Variants in DRC11 observed in about 807,000 individuals in gnomAD.
DRC11 encodes the protein IQ and AAA domain-containing protein 1.
the DRC11 span, among the ~76,000 whole-genome samples, chr2:236,351,339 G>A: frequency 6.6e-6 from 1 of 152,098 alleles, no homozygotes; most frequent in African/African-American, 2.4e-5. This position sits in a 1 kb window ranked among gnomAD's most constrained non-coding sequence, Gnocchi z 7.3. Flanking sequence ...AACCAGGAAC[G>A]GAGACCGCAG....
At chr2:236,474,257 G>A in the DRC11 span, among the ~76,000 whole-genome samples, 3 of 151,902 alleles carry the variant, frequency 2.0e-5, no homozygotes, top group Non-Finnish European at 4.4e-5. Flanking sequence ...ATACAAAACA[G>A]ACGTTATTCT....
At chr2:236,423,566 G>A in the DRC11 span, among the ~76,000 whole-genome samples, 2 of 152,184 alleles carry the variant, frequency 1.3e-5, no homozygotes, top group South Asian at 4.1e-4. Flanking sequence ...TGCTGGAGAG[G>A]ATGTGGAGAA....
the DRC11 span, among the ~76,000 whole-genome samples, chr2:236,345,427 CCA>C: frequency 6.6e-6 from 1 of 152,136 alleles, no homozygotes; most frequent in Non-Finnish European, 1.5e-5. Context: ...TGAAAGAAAC[CCA>C]CAGTTTTCTG....
the DRC11 span, chr2:236,344,591 G>T: frequency 4.3e-6 from 7 of 1,613,638 alleles, no homozygotes; most frequent in South Asian, 5.5e-5. Flanking sequence ...TTTGTAGAAG[G>T]TTTTTTCTGT....
At chr2:236,495,969 G>C in the DRC11 span, among the ~76,000 whole-genome samples, 1 of 152,182 alleles carries the variant, frequency 6.6e-6, no homozygotes, top group African/African-American at 2.4e-5. The surrounding 1 kb of genome is among the most constrained non-coding windows in gnomAD (Gnocchi z 5.6). Flanking sequence ...CAAGGCCGTG[G>C]AGTAGCCGCC....
At chr2:236,488,494 A>G in the DRC11 span, among the ~76,000 whole-genome samples, 2 of 152,236 alleles carry the variant, frequency 1.3e-5, no homozygotes, top group African/African-American at 4.8e-5. Flanking sequence ...AAAAATGTCA[A>G]TAAAATTGAT....
the DRC11 span, among the ~76,000 whole-genome samples, chr2:236,462,307 C>G: frequency 6.6e-6 from 1 of 152,106 alleles, no homozygotes; most frequent in African/African-American, 2.4e-5. The surrounding 1 kb of genome is among the most constrained non-coding windows in gnomAD (Gnocchi z 6.4). Context: ...TGGCAGAAAC[C>G]ATGGGCTGCA....
the DRC11 span, among the ~76,000 whole-genome samples, chr2:236,491,141 AGTATATATATACACACAG>A: frequency 8.2e-5 from 5 of 60,658 alleles, no homozygotes; most frequent in Non-Finnish European, 1.2e-4. Flanking sequence ...ATATATATAC[AGTATATATATACACACAG>A]TATATATATA....
At chr2:236,466,781 C>T in the DRC11 span, among the ~76,000 whole-genome samples, 1 of 152,220 alleles carries the variant, frequency 6.6e-6, no homozygotes, top group Non-Finnish European at 1.5e-5. Flanking sequence ...ACCTCCAACA[C>T]TGGGAATCAC....
At chr2:236,381,919 CTG>C in the DRC11 span, among the ~76,000 whole-genome samples, 1 of 152,100 alleles carries the variant, frequency 6.6e-6, no homozygotes, top group African/African-American at 2.4e-5. This position sits in a 1 kb window ranked among gnomAD's most constrained non-coding sequence, Gnocchi z 5.8. Flanking sequence ...TCCTCCCAGT[CTG>C]TAGCTTGTCT....
chr2:236,402,546 TG>T, the DRC11 span, among the ~76,000 whole-genome samples: 2 of 151,042 alleles, frequency 1.3e-5, no homozygotes, highest in African/African-American at 4.9e-5. This position sits in a 1 kb window ranked among gnomAD's most constrained non-coding sequence, Gnocchi z 6.0. Flanking sequence ...CTTCATGGGG[TG>T]GGGGGGCATG....
chr2:236,360,966 T>A, the DRC11 span, among the ~76,000 whole-genome samples: 1 of 152,086 alleles, frequency 6.6e-6, no homozygotes. This position sits in a 1 kb window ranked among gnomAD's most constrained non-coding sequence, Gnocchi z 5.8. Flanking sequence ...CAACGTACCA[T>A]CCACAATGTC....
At chr2:236,379,057 TCTGGCCTCCCTGGA>T in the DRC11 span, among the ~76,000 whole-genome samples, 3 of 152,156 alleles carry the variant, frequency 2.0e-5, no homozygotes, top group Non-Finnish European at 4.4e-5. Flanking sequence ...GCGGCAGTGT[TCTGGCCTCCCTGGA>T]GGCCACAGAT....
At chr2:236,488,372 T>C in the DRC11 span, among the ~76,000 whole-genome samples, 1 of 152,222 alleles carries the variant, frequency 6.6e-6, no homozygotes, top group Non-Finnish European at 1.5e-5. Context: ...TTTGATAACA[T>C]GACATGCTCA....
chr2:236,379,322 C>T, the DRC11 span, among the ~76,000 whole-genome samples: 3 of 134,678 alleles, frequency 2.2e-5, no homozygotes, highest in African/African-American at 2.9e-5. Context: ...GCGACAGGAC[C>T]AAGGGGAGGG....
the DRC11 span, among the ~76,000 whole-genome samples, chr2:236,357,782 T>TTA: frequency 1.7e-4 from 21 of 126,092 alleles, no homozygotes; most frequent in Admixed American, 5.1e-4. Flanking sequence ...TAAATATATG[T>TTA]TATATATACA....
chr2:236,491,182 CACACAGTATATATAT>C, the DRC11 span, among the ~76,000 whole-genome samples: 4 of 38,492 alleles, frequency 1.0e-4, no homozygotes, highest in African/African-American at 5.4e-4. Flanking sequence ...TATATATATA[CACACAGTATATATAT>C]ATATATATAT....
chr2:236,488,466 T>A, the DRC11 span, among the ~76,000 whole-genome samples: 1 of 152,220 alleles, frequency 6.6e-6, no homozygotes, highest in Admixed American at 6.5e-5. Context: ...ATATTTTAGG[T>A]TGGCAGCAAA....
chr2:236,435,338 G>A, the DRC11 span, among the ~76,000 whole-genome samples: 8 of 152,230 alleles, frequency 5.3e-5, no homozygotes, highest in African/African-American at 1.9e-4. Context: ...TGGCACATGG[G>A]CCGGCTCTGG....
Sources: gnomAD v4.1 joint callset for allele counts (sites outside exome capture counted in the v4.1 genomes callset) on GRCh38, gnomAD v4.1.1 for gene constraint, Gnocchi (gnomAD v3.1) non-coding constraint, MANE v1.5 for transcripts, NCBI Gene and HGNC (gene_info 2026-07-23, HGNC 2026-07-21) for gene names.